GLTP: variants seen among roughly 807,000 people sequenced by gnomAD.
GLTP encodes the protein glycolipid transfer protein.
In GLTP, 22 loss-of-function variants were observed where a neutral mutation model predicts 24.0. That is an observed-to-expected ratio of 0.92 (90% CI 0.65 to 1.31). GLTP has a LOEUF of 1.31. GLTP is among the 50% of genes most tolerant of loss of function. GLTP has a pLI of 0.00. For synonymous variants in GLTP, 92 were observed against 115.9 expected, an observed-to-expected ratio of 0.79 and a Z score of 1.33; for missense variants, 224 against 276.6, an observed-to-expected ratio of 0.81 and a Z score of 1.35.
chr12:109,869,630 T>TG (rs915517866), intron 1 of GLTP, among the ~76,000 whole-genome samples: 2 of 150,170 alleles, frequency 1.3e-5, no homozygotes, highest in African/African-American at 4.9e-5. Flanking sequence ...TAATTTTTTT[T>TG]TTTTTGTTTT....
At chr12:109,859,444 G>A (rs934418039) in intron 1 of GLTP, among the ~76,000 whole-genome samples, 3 of 152,134 alleles carry the variant, frequency 2.0e-5, no homozygotes, top group African/African-American at 4.8e-5. Flanking sequence ...GCTTGAACCC[G>A]GGAGGTGGAG....
intron 1 of GLTP, among the ~76,000 whole-genome samples, chr12:109,863,142 A>G (rs1459818780): frequency 6.6e-6 from 1 of 152,260 alleles, no homozygotes; most frequent in Admixed American, 6.5e-5. Context: ...ATAGATAGGC[A>G]CAGTAAAATA....
Position 109,880,464 on chromosome 12 carries a change from C to T in GLTP, c.-90G>A, listed in dbSNP as rs1260153078. The T allele has an allele frequency of 8.1e-6, 3 of 370,806 alleles. No individual in the cohort carries two copies. Among genetic ancestry groups the T allele is most frequent in the East Asian group, 1.2e-4 (2 of 16,564 alleles). The allele number at this position is 370,806 out of a possible 1,614,324, so 23.0% of individuals were successfully genotyped here. On this transcript the variant is annotated 5_prime_UTR_variant, in exon 1 of 5. Transcript: ENST00000318348. The surrounding 1 kb of genome is among the most constrained non-coding windows in gnomAD (Gnocchi z 5.1). The stretch of plus-strand genomic sequence containing the variant: ...CCGCCGCCGTCAGCGCCGGGGCCGT[C>T]ACAGCCGCCCGCCGCAGGCTCCGGG...
At chr12:109,876,184 A>C (rs1050855889) in intron 1 of GLTP, among the ~76,000 whole-genome samples, 5 of 152,110 alleles carry the variant, frequency 3.3e-5, no homozygotes, top group Admixed American at 3.3e-4. Flanking sequence ...CTCTACTAAA[A>C]ATACAGAAAT....
intron 4 of GLTP, among the ~76,000 whole-genome samples, chr12:109,854,081 AGGGTGGT>A (rs1356114358): frequency 6.1e-5 from 9 of 147,176 alleles, no homozygotes; most frequent in Non-Finnish European, 1.2e-4. Flanking sequence ...AGTAATAGCT[AGGGTGGT>A]GGCTCACGCC....
In GLTP at chr12:109,855,960, C is replaced by T. The variant is rs1266829792; in HGVS notation, c.297-191G>A. Among the ~76,000 whole-genome samples, 2 of 152,088 alleles carry T rather than the reference C, an allele frequency of 1.3e-5. No homozygotes were observed. The highest frequency in any genetic ancestry group is 1.5e-5 in the Non-Finnish European group (1 of 68,000). ...CCACTTGGCTCCATTGACTATCTCC[C>T]GAGCACCTTCTCTCCTCCAGGCCTG... is the stretch of plus-strand genomic sequence containing the variant. On this transcript the variant is annotated intron_variant, in intron 3 of 4. Transcript: ENST00000318348. The surrounding 1 kb of genome is among the most constrained non-coding windows in gnomAD (Gnocchi z 4.1).
rs145689737 is a variant in GLTP, at chr12:109,858,712, T to C, written c.133A>G (p.Ile45Val). ...DCLGSPVFTP[I>V]KADISGNITK... ...ATGTTGCCGCTTATGTCTGCCTTGA[T>C]GGGAGTAAACACTGGGGACCCAAGG... Residue 45 changes from isoleucine to valine, a missense_variant, in exon 2 of 5, where the codon ATC becomes GTC. Ile to Val is a conservative substitution (Grantham distance 29). Transcript: ENST00000318348. The C allele has an allele frequency of 1.2e-6, 2 of 1,612,944 alleles. No homozygotes were observed. Among genetic ancestry groups the C allele is most frequent in the Admixed American group, 1.7e-5 (1 of 60,014 alleles).
intron 1 of GLTP, among the ~76,000 whole-genome samples, chr12:109,873,410 G>A (rs1455382615): frequency 6.6e-6 from 1 of 152,010 alleles, no homozygotes; most frequent in East Asian, 1.9e-4. Context: ...TGACGTGGGT[G>A]GATCATGAGG....
intron 2 of GLTP, 95 bp downstream of exon 2, chr12:109,858,588 G>A: frequency 1.1e-6 from 1 of 883,698 alleles, no homozygotes; most frequent in Non-Finnish European, 1.9e-6. Context: ...CCTTGGGGTG[G>A]GAAGCTTGCA....
chr12:109,854,131 G>C (rs1279205624), intron 4 of GLTP, among the ~76,000 whole-genome samples: 1 of 151,918 alleles, frequency 6.6e-6, no homozygotes, highest in Non-Finnish European at 1.5e-5. Flanking sequence ...GCCGAGGTGG[G>C]AGGATTGCTT....
rs1485347597 is a variant in GLTP at position 109,855,533 on chromosome 12, G to A, written c.447+86C>T. 1 of 1,251,522 alleles carries A rather than the reference G, an allele frequency of 8.0e-7. No individual in the cohort carries two copies. Among genetic ancestry groups the A allele is most frequent in the Non-Finnish European group, 1.1e-6 (1 of 902,666 alleles). 77.5% of individuals were successfully genotyped at this position (1,251,522 alleles called of 1,614,324 possible). A position where few individuals can be genotyped will look rare whatever the true frequency, so the allele number is the denominator to read the frequency against. On this transcript the variant is annotated intron_variant, in intron 4 of 4. Transcript: ENST00000318348. This position sits in a 1 kb window ranked among gnomAD's most constrained non-coding sequence, Gnocchi z 4.1. ...CGAGGGGGTAAACACAGCCTCACAG[G>A]CCAGGAGGCCTCGGCTAAGCAGGGG... is the stretch of plus-strand genomic sequence containing the variant.
At position 109,852,588 on chromosome 12, in the gene GLTP, G is replaced by C; in HGVS notation, c.597C>G (p.Thr199=). The C allele has an allele frequency of 6.2e-7, 1 of 1,610,116 alleles. No homozygotes were observed. Among genetic ancestry groups the C allele is most frequent in the Non-Finnish European group, 8.5e-7 (1 of 1,176,412 alleles). ...TGTAGTTAAGCTCAGCGTTCATCTG[G>C]GTGTACATCTCGTAGATGACATCGA... ...ATIDVIYEMY[T]QMNAELNYKV is the part of the protein sequence containing the mutation. The change falls in exon 5 of 5, where the codon ACC becomes ACG. Residue 199 remains threonine, a synonymous_variant. Coordinates refer to ENST00000318348, the MANE Select transcript of GLTP (RefSeq NM_016433.4).
At position 109,855,833 on chromosome 12, in the gene GLTP, T is replaced by C; in HGVS notation, c.297-64A>G. The C allele has an allele frequency of 7.2e-7, 1 of 1,386,044 alleles. No individual in the cohort carries two copies. The highest frequency in any genetic ancestry group is 9.6e-7 in the Non-Finnish European group (1 of 1,041,098). The allele number at this position is 1,386,044 out of a possible 1,614,324, so 85.9% of individuals were successfully genotyped here. On this transcript the variant is annotated intron_variant, in intron 3 of 4. Coordinates refer to ENST00000318348, the MANE Select transcript of GLTP (RefSeq NM_016433.4). This position sits in a 1 kb window ranked among gnomAD's most constrained non-coding sequence, Gnocchi z 4.1. ...ACAGCCCTGTCGTGAAAGACCCTGA[T>C]GGACTCTGAATTTGCCACCTACTGT...
chr12:109,853,810 T>G (rs1291963718), intron 4 of GLTP, among the ~76,000 whole-genome samples: 2 of 151,718 alleles, frequency 1.3e-5, no homozygotes, highest in African/African-American at 4.8e-5. Context: ...TGGCGTGATC[T>G]TGGTTCACTG....
In GLTP at chr12:109,861,086, AC is replaced by A. The variant is rs550666420; in HGVS notation, c.104-2346del. Among the ~76,000 whole-genome samples the A allele has an allele frequency of 2.8e-3, 424 of 152,204 alleles. 1 individual carries two copies. The highest frequency in any genetic ancestry group is 4.6e-3 in the Non-Finnish European group (311 of 68,002). On this transcript the variant is annotated intron_variant, in intron 1 of 4. Coordinates refer to ENST00000318348, the MANE Select transcript of GLTP (RefSeq NM_016433.4). ...AATCCCACGGGAGTGAAAGGCCAAT[AC>A]CCAGGAGGCCAGACAGGGACCTCAG...
intron 1 of GLTP, among the ~76,000 whole-genome samples, chr12:109,876,894 C>A (rs1289721246): frequency 6.6e-6 from 1 of 152,064 alleles, no homozygotes; most frequent in Admixed American, 6.5e-5. Context: ...GCTGTGTCAC[C>A]CAAACTGGAG....
rs768303193 is a variant in GLTP, at chr12:109,852,544, A to C, written c.*11T>G. ...GCCACGAGTCGGGGACGTGTCCAGC[A>C]GTGGGCATGCCTACACCTTGTAGTT... On this transcript the variant is annotated 3_prime_UTR_variant, in exon 5 of 5. Coordinates refer to ENST00000318348, the MANE Select transcript of GLTP (RefSeq NM_016433.4). The C allele has an allele frequency of 1.3e-6, 2 of 1,573,530 alleles. No individual in the cohort carries two copies. The highest frequency in any genetic ancestry group is 1.1e-5 in the South Asian group (1 of 89,168).
rs1254213950 is a variant in GLTP at position 109,852,106 on chromosome 12, C to G, written c.*449G>C. ...TCAGGTGATCCACCCGCCTCAGCCT[C>G]CCAAAGTGCTGGGATTACAGGCGTG... On this transcript the variant is annotated 3_prime_UTR_variant, in exon 5 of 5. Coordinates refer to ENST00000318348, the MANE Select transcript of GLTP (RefSeq NM_016433.4). 6.5e-6 allele frequency: 1 copy of G among 152,930 alleles called. No individual in the cohort carries two copies. The highest frequency in any genetic ancestry group is 2.4e-5 in the African/African-American group (1 of 41,470). The allele number at this position is 152,930 out of a possible 1,614,324, so 9.5% of individuals were successfully genotyped here.
rs1390213265 is a variant in GLTP at position 109,855,373 on chromosome 12, C to T, written c.447+246G>A. Among the ~76,000 whole-genome samples, 1 of 152,194 alleles carries T rather than the reference C, an allele frequency of 6.6e-6. No individual in the cohort carries two copies. The highest frequency in any genetic ancestry group is 2.4e-5 in the African/African-American group (1 of 41,450). ...ACCATCAGGCCTTGCAGGCCAAGGC[C>T]CCTAAAGAGAAACACCGTGGAGTAG... On this transcript the variant is annotated intron_variant, in intron 4 of 4. Transcript: ENST00000318348. This position sits in a 1 kb window ranked among gnomAD's most constrained non-coding sequence, Gnocchi z 4.1.
Sources: allele counts gnomAD v4.1 joint callset (sites outside exome capture counted in the v4.1 genomes callset), GRCh38; gene constraint gnomAD v4.1.1; non-coding constraint Gnocchi (gnomAD v3.1); transcripts MANE v1.5; gene names NCBI Gene and HGNC (gene_info 2026-07-23, HGNC 2026-07-21).